Variants in NFASC observed in about 807,000 individuals in gnomAD.
NFASC encodes the protein neurofascin homolog.
Under a neutral mutation model 147.5 loss-of-function variants are expected in NFASC, and 43 were observed. That is an observed-to-expected ratio of 0.29 (90% CI 0.23 to 0.38). NFASC has a LOEUF of 0.38. Ranked by LOEUF, NFASC falls within the 10% of genes least tolerant of loss-of-function variation. The probability of loss-of-function intolerance (pLI) is 1.00; values close to 1 mark genes in which losing one functional copy is unlikely to be tolerated. For synonymous variants in NFASC, 622 were observed against 665.5 expected (o/e 0.93, Z 1.01); for missense variants, 1,320 against 1,689.0 (o/e 0.78, Z 3.83).
At chr1:204,974,571 C>A in intron 13 of NFASC, 86 bp from the exon 14 acceptor site, 1 of 1,461,094 alleles carries the variant, frequency 6.8e-7, no homozygotes, top group Non-Finnish European at 9.6e-7. Flanking sequence ...TCCACAGCCC[C>A]CATGGTCTCT....
At chr1:204,887,548 G>A (rs2081524693) in intron 1 of NFASC, among the ~76,000 whole-genome samples, 1 of 139,456 alleles carries the variant, frequency 7.2e-6, no homozygotes, top group Non-Finnish European at 1.5e-5. Flanking sequence ...GGATTATGTG[G>A]TAATTCCATG....
rs1010730975 is a variant in NFASC at position 205,010,747 on chromosome 1, C to CA, written c.3421+1065dup. 3.3e-5 allele frequency: 5 copies of CA among 151,810 alleles called. No individual in the cohort carries two copies. The highest frequency in any genetic ancestry group is 1.2e-4 in the African/African-American group (5 of 41,330). The allele number at this position is 151,810 out of a possible 1,614,324, so 9.4% of individuals were successfully genotyped here. On this transcript the variant is annotated intron_variant, in intron 28 of 29. Coordinates refer to ENST00000339876, the MANE Select transcript of NFASC (RefSeq NM_001005388.3). This position sits in a 1 kb window ranked among gnomAD's most constrained non-coding sequence, Gnocchi z 4.1. ...TGAAACCCAATCTCTACCAAAAATA[C>CA]AAAAAATTAGCTGGGTGTTTTGGCA...
At chr1:204,991,818 G>A (rs559596267) in intron 24 of NFASC, among the ~76,000 whole-genome samples, 5 of 152,366 alleles carry the variant, frequency 3.3e-5, no homozygotes, top group African/African-American at 1.2e-4. Context: ...GGCTCTGCCA[G>A]CCACCACGGG....
intron 1 of NFASC, among the ~76,000 whole-genome samples, chr1:204,885,864 C>T (rs1054102614): frequency 2.0e-4 from 30 of 152,324 alleles, no homozygotes; most frequent in African/African-American, 7.2e-4. Context: ...CCAAGAATGA[C>T]CTCTTGTTCC....
chr1:204,938,087 C>T (rs367673146), intron 2 of NFASC, among the ~76,000 whole-genome samples: 6 of 152,340 alleles, frequency 3.9e-5, no homozygotes, highest in East Asian at 1.9e-4. Context: ...CTGCCCAGAA[C>T]GTGGCTGTGG....
chr1:204,939,072 G>GTGTGTA (rs2093145248), intron 2 of NFASC, among the ~76,000 whole-genome samples: 1 of 151,742 alleles, frequency 6.6e-6, no homozygotes, highest in Non-Finnish European at 1.5e-5. Flanking sequence ...GTGTGTGTGT[G>GTGTGTA]TGTGTGTGTG....
intron 11 of NFASC, among the ~76,000 whole-genome samples, chr1:204,972,450 AG>A (rs1169392999): frequency 6.6e-6 from 1 of 152,228 alleles, no homozygotes; most frequent in Non-Finnish European, 1.5e-5. Flanking sequence ...ATCTTACAGA[AG>A]AAGGAAATGA....
At chr1:204,864,806 A>G (rs1002806685) in intron 1 of NFASC, among the ~76,000 whole-genome samples, 1 of 152,200 alleles carries the variant, frequency 6.6e-6, no homozygotes, top group African/African-American at 2.4e-5. Flanking sequence ...ATTAAGTGGA[A>G]TAAGCTGTAT....
At chr1:204,940,150 G>C (rs1040558573) in intron 2 of NFASC, among the ~76,000 whole-genome samples, 1 of 152,104 alleles carries the variant, frequency 6.6e-6, no homozygotes, top group Admixed American at 6.6e-5. Context: ...AACATAAACC[G>C]TTTTAAAGTG....
intron 1 of NFASC, among the ~76,000 whole-genome samples, chr1:204,890,101 G>A (rs1376142954): frequency 6.6e-6 from 1 of 152,226 alleles, no homozygotes; most frequent in Non-Finnish European, 1.5e-5. Context: ...GTGAGGCTGA[G>A]CACACAGGCA....
At chr1:204,890,238 C>T (rs991298689) in intron 1 of NFASC, among the ~76,000 whole-genome samples, 7 of 152,176 alleles carry the variant, frequency 4.6e-5, no homozygotes, top group African/African-American at 7.2e-5. Context: ...TCCATTCACG[C>T]AGGTTGTGTT....
intron 23 of NFASC, 151 bp downstream of exon 23, chr1:204,988,957 G>A (rs539223632): frequency 6.3e-5 from 44 of 695,140 alleles, no homozygotes; most frequent in South Asian, 4.1e-4. Context: ...CCCATCTTAT[G>A]TGTGAGAGGT....
intron 2 of NFASC, among the ~76,000 whole-genome samples, chr1:204,934,503 A>C (rs1247907219): frequency 6.6e-6 from 1 of 152,230 alleles, no homozygotes; most frequent in African/African-American, 2.4e-5. Flanking sequence ...GAAAATGTTC[A>C]ATCAGTAACT....
chr1:204,877,886 T>C (rs2079361533), intron 1 of NFASC, among the ~76,000 whole-genome samples: 1 of 152,206 alleles, frequency 6.6e-6, no homozygotes, highest in Non-Finnish European at 1.5e-5. Flanking sequence ...AATGCATTTC[T>C]GCTCCTCATC....
chr1:204,850,055 A>G (rs1214098036), intron 1 of NFASC, among the ~76,000 whole-genome samples: 2 of 152,180 alleles, frequency 1.3e-5, no homozygotes, highest in African/African-American at 4.8e-5. Flanking sequence ...CCCGAGGGGC[A>G]CACAGTGAGA....
At chr1:204,865,000 C>G (rs904259505) in intron 1 of NFASC, among the ~76,000 whole-genome samples, 15 of 152,194 alleles carry the variant, frequency 9.9e-5, no homozygotes, top group African/African-American at 3.6e-4. Context: ...ATCTAAAAGT[C>G]CATTAACAAA....
At chr1:204,911,949 A>G (rs1389216774) in intron 1 of NFASC, among the ~76,000 whole-genome samples, 1 of 152,264 alleles carries the variant, frequency 6.6e-6, no homozygotes, top group Middle Eastern at 3.4e-3. Context: ...TGCAGGGGCT[A>G]TTAAGTCTGC....
At chr1:204,834,770 G>T (rs1673203841) in intron 1 of NFASC, among the ~76,000 whole-genome samples, 1 of 152,156 alleles carries the variant, frequency 6.6e-6, no homozygotes, top group African/African-American at 2.4e-5. Flanking sequence ...GCCACTCAGG[G>T]GTTGGAAAGA....
In NFASC at chr1:204,986,418, C is replaced by A. The variant is rs1360581978; in HGVS notation, c.2471-1000C>A. Among the ~76,000 whole-genome samples the A allele has an allele frequency of 1.3e-5, 2 of 152,262 alleles. No homozygotes were observed. The highest frequency in any genetic ancestry group is 2.4e-5 in the African/African-American group (1 of 41,470). On this transcript the variant is annotated intron_variant, in intron 21 of 29. Coordinates refer to ENST00000339876, the MANE Select transcript of NFASC (RefSeq NM_001005388.3). This position sits in a 1 kb window ranked among gnomAD's most constrained non-coding sequence, Gnocchi z 4.2. ...GCGGGCACCTGGGCCACCCCACCAC[C>A]TTCCGAGGCAGAAGGCAGCACGTCC...
Sources: gnomAD v4.1 joint callset for allele counts (sites outside exome capture counted in the v4.1 genomes callset) on GRCh38, gnomAD v4.1.1 for gene constraint, Gnocchi (gnomAD v3.1) non-coding constraint, MANE v1.5 for transcripts, NCBI Gene and HGNC (gene_info 2026-07-23, HGNC 2026-07-21) for gene names.